The following FILIP1L variants were observed in gnomAD, a reference collection of about 807,000 sequenced individuals.
The protein encoded by FILIP1L is filamin A-interacting protein 1-like.
A neutral mutation model predicts 96.6 loss-of-function variants in FILIP1L; 55 were observed. The observed-to-expected ratio is 0.57, with a 90% CI of 0.46 to 0.71. The LOEUF is 0.71. Ranked by LOEUF, FILIP1L falls within the 30% of genes least tolerant of loss-of-function variation. The probability of loss-of-function intolerance (pLI) is 0.00; values close to 1 mark genes in which losing one functional copy is unlikely to be tolerated. For synonymous variants in FILIP1L, 467 were observed against 473.9 expected, an observed-to-expected ratio of 0.99 and a Z score of 0.19; for missense variants, 1,304 against 1,321.2, an observed-to-expected ratio of 0.99 and a Z score of 0.20.
intron 1 of FILIP1L, among the ~76,000 whole-genome samples, chr3:100,102,451 G>A (rs1328302346): frequency 6.6e-6 from 1 of 152,106 alleles, no homozygotes; most frequent in African/African-American, 2.4e-5. Flanking sequence ...AGAAGAAATT[G>A]GATCCTCATC....
intron 1 of FILIP1L, among the ~76,000 whole-genome samples, chr3:100,046,005 A>C (rs1213695447): frequency 6.6e-6 from 1 of 152,134 alleles, no homozygotes; most frequent in African/African-American, 2.4e-5. Context: ...GAAAAATGGA[A>C]ACATGTTTGC....
intron 1 of FILIP1L, among the ~76,000 whole-genome samples, chr3:99,977,005 C>T (rs1381100595): frequency 2.0e-5 from 3 of 152,188 alleles, no homozygotes; most frequent in Non-Finnish European, 4.4e-5. Flanking sequence ...AGCCTATGAT[C>T]ACCGTTTAGC....
chr3:99,986,475 T>C (rs1054715787), intron 1 of FILIP1L, among the ~76,000 whole-genome samples: 4 of 152,186 alleles, frequency 2.6e-5, no homozygotes, highest in Admixed American at 2.6e-4. Context: ...GACGGTTAGT[T>C]TTTCTGAAAG....
intron 1 of FILIP1L, among the ~76,000 whole-genome samples, chr3:99,991,539 G>A (rs938360292): frequency 1.3e-5 from 2 of 151,890 alleles, no homozygotes; most frequent in African/African-American, 4.8e-5. Context: ...GGCTTTTAGT[G>A]TACCCATCAC....
At chr3:100,059,541 A>C (rs140166778) in intron 1 of FILIP1L, among the ~76,000 whole-genome samples, 48 of 152,274 alleles carry the variant, frequency 3.2e-4, no homozygotes, top group African/African-American at 1.2e-3. Flanking sequence ...CAAAGTTTCT[A>C]TCCTCCAAGG....
At chr3:100,072,843 C>A (rs2065785371) in intron 1 of FILIP1L, among the ~76,000 whole-genome samples, 1 of 152,152 alleles carries the variant, frequency 6.6e-6, no homozygotes, top group African/African-American at 2.4e-5. Flanking sequence ...AAGAAATAAT[C>A]CTCTCCTTCC....
At chr3:100,017,158 A>T (rs1413573563) in intron 1 of FILIP1L, among the ~76,000 whole-genome samples, 1 of 152,244 alleles carries the variant, frequency 6.6e-6, no homozygotes, top group East Asian at 1.9e-4. Flanking sequence ...ATCAGAATTT[A>T]TAAAATATCT....
chr3:100,026,589 C>A (rs2064926516), intron 1 of FILIP1L, among the ~76,000 whole-genome samples: 1 of 152,132 alleles, frequency 6.6e-6, no homozygotes, highest in African/African-American at 2.4e-5. Context: ...CTCTTTTCTT[C>A]TACTTGTTCA....
At chr3:100,093,461 A>G (rs556856997) in intron 1 of FILIP1L, among the ~76,000 whole-genome samples, 1 of 152,298 alleles carries the variant, frequency 6.6e-6, no homozygotes, top group Non-Finnish European at 1.5e-5. Context: ...TACAAAAAAT[A>G]TATACTTTTA....
At chr3:100,020,344 A>G (rs1349902941) in intron 1 of FILIP1L, among the ~76,000 whole-genome samples, 1 of 152,218 alleles carries the variant, frequency 6.6e-6, no homozygotes, top group Non-Finnish European at 1.5e-5. Context: ...AGACAACTTT[A>G]CAACCAGAAG....
chr3:100,008,037 CAA>C (rs760083908), intron 1 of FILIP1L, among the ~76,000 whole-genome samples: 21 of 152,160 alleles, frequency 1.4e-4, no homozygotes, highest in East Asian at 7.7e-4. Context: ...GACCTGTACA[CAA>C]AGTGTTTCCC....
At chr3:99,911,723 G>C (rs1164280751) in intron 4 of FILIP1L, among the ~76,000 whole-genome samples, 1 of 152,076 alleles carries the variant, frequency 6.6e-6, no homozygotes, top group Non-Finnish European at 1.5e-5. Context: ...TCAGATCCTT[G>C]AGCACTCTTG....
At chr3:99,916,037 T>C (rs1355526134) in intron 4 of FILIP1L, among the ~76,000 whole-genome samples, 1 of 152,200 alleles carries the variant, frequency 6.6e-6, no homozygotes, top group Non-Finnish European at 1.5e-5. Flanking sequence ...ATGTGTCAAC[T>C]TGACTGGGCC....
chr3:99,981,934 T>G (rs1394486940), intron 1 of FILIP1L, among the ~76,000 whole-genome samples: 5 of 152,192 alleles, frequency 3.3e-5, no homozygotes, highest in Non-Finnish European at 7.3e-5. Flanking sequence ...ACGACCAGCC[T>G]GGATAACATA....
chr3:99,861,079 C>G (rs777104171), intron 4 of FILIP1L, among the ~76,000 whole-genome samples: 8 of 152,124 alleles, frequency 5.3e-5, no homozygotes, highest in Non-Finnish European at 1.2e-4. Context: ...CTCCCCCACC[C>G]CCTGCTCCCA....
intron 1 of FILIP1L, among the ~76,000 whole-genome samples, chr3:100,036,222 A>T (rs1050921605): frequency 1.3e-5 from 2 of 152,230 alleles, no homozygotes; most frequent in African/African-American, 4.8e-5. Context: ...AGCAATGAAC[A>T]CATGCAACAC....
intron 1 of FILIP1L, among the ~76,000 whole-genome samples, chr3:100,086,259 A>G (rs2066006648): frequency 6.6e-6 from 1 of 152,216 alleles, no homozygotes; most frequent in Admixed American, 6.5e-5. Flanking sequence ...TTAGAAAACA[A>G]CTAGAAGTCA....
intron 1 of FILIP1L, among the ~76,000 whole-genome samples, chr3:100,108,938 G>A (rs527273529): frequency 4.6e-5 from 7 of 152,042 alleles, no homozygotes; most frequent in East Asian, 3.9e-4. Context: ...GGCCAGTTTC[G>A]CAACATGGCA....
chr3:99,843,427 C>G (rs1242795475), intron 5 of FILIP1L, among the ~76,000 whole-genome samples: 3 of 152,106 alleles, frequency 2.0e-5, no homozygotes, highest in African/African-American at 7.2e-5. Context: ...TTTGTCATGC[C>G]AGCCACTAGA....
Sources: gnomAD v4.1 joint callset for allele counts (sites outside exome capture counted in the v4.1 genomes callset) on GRCh38, gnomAD v4.1.1 for gene constraint, MANE v1.5 for transcripts, NCBI Gene and HGNC (gene_info 2026-07-23, HGNC 2026-07-21) for gene names.